The following HOOK3 variants were observed in gnomAD, a reference collection of about 807,000 sequenced individuals.
HOOK3 encodes hook microtubule tethering protein 3.
In HOOK3, 24 loss-of-function variants were observed where a neutral mutation model predicts 116.3. That is an observed-to-expected ratio of 0.21 (90% CI 0.15 to 0.29). The LOEUF (loss-of-function observed/expected upper bound fraction) is 0.29, where lower values mean the gene tolerates loss of function less well. Among genes scored for constraint, HOOK3 ranks in the 10% least tolerant of loss-of-function variants. The pLI, the probability that HOOK3 is intolerant of heterozygous loss-of-function variation, is 1.00. For synonymous variants in HOOK3, 275 were observed against 283.0 expected (o/e 0.97, Z 0.28); for missense variants, 632 against 830.2 (o/e 0.76, Z 2.93).
At chr8:43,009,428 A>AT (rs1809560862) in intron 18 of HOOK3, among the ~76,000 whole-genome samples, 4 of 152,024 alleles carry the variant, frequency 2.6e-5, no homozygotes. Context: ...CTCTATTTAC[A>AT]TATAGGGAGT....
intron 21 of HOOK3, among the ~76,000 whole-genome samples, chr8:43,016,427 T>A (rs1346262366): frequency 2.6e-5 from 4 of 152,132 alleles, no homozygotes; most frequent in African/African-American, 9.7e-5. Context: ...GCCAGAATAG[T>A]CCTAATTTTT....
intron 14 of HOOK3, among the ~76,000 whole-genome samples, chr8:42,984,184 A>G (rs892135865): frequency 5.9e-5 from 9 of 152,126 alleles, no homozygotes; most frequent in Non-Finnish European, 1.2e-4. Context: ...CCTGACCAAC[A>G]TGGCGAAACC....
chr8:43,011,454 T>A (rs1809611076), intron 19 of HOOK3, among the ~76,000 whole-genome samples: 1 of 151,912 alleles, frequency 6.6e-6, no homozygotes, highest in Admixed American at 6.6e-5. Context: ...ACAGCATGTG[T>A]GTGTGTGTGT....
rs1809892361 is a variant in HOOK3, at chr8:43,024,321, G to T, written c.*5823G>T. On this transcript the variant is annotated 3_prime_UTR_variant, in exon 22 of 22. Coordinates refer to ENST00000307602, the MANE Select transcript of HOOK3 (RefSeq NM_032410.4). ...TAGCATTGTACTTCTCAACAGTGAA[G>T]CCTGTGTAATACCATACAGTAGGAT... 3 of 197,276 alleles carry T rather than the reference G, an allele frequency of 1.5e-5. No individual in the cohort carries two copies. Among genetic ancestry groups the T allele is most frequent in the Non-Finnish European group, 3.2e-5 (3 of 95,202 alleles). 12.2% of individuals were successfully genotyped at this position (197,276 alleles called of 1,614,324 possible).
At position 42,915,247 on chromosome 8, in the gene HOOK3, G is replaced by A. The variant is rs372110659; in HGVS notation, c.143+8989G>A. Among the ~76,000 whole-genome samples, 60 of 151,954 alleles carry A rather than the reference G, an allele frequency of 3.9e-4. No individual in the cohort carries two copies. In the East Asian group the frequency reaches 4.8e-3, roughly 12 times the overall value. ...AATATAATTAGCTGGGCATGGTGGCGCATACTTGTAGTCCTAACCTCCCAT... is the reference window on the plus strand; with the variant it reads ...AATATAATTAGCTGGGCATGGTGGCACATACTTGTAGTCCTAACCTCCCAT... On this transcript the variant is annotated intron_variant, in intron 2 of 21. Transcript: ENST00000307602.
chr8:42,925,646 C>T lies in HOOK3; in HGVS notation c.216+17C>T, dbSNP rs2130357263. The T allele has an allele frequency of 6.6e-7, 1 of 1,507,778 alleles. No homozygotes were observed. Among genetic ancestry groups the T allele is most frequent in the Non-Finnish European group, 9.1e-7 (1 of 1,095,376 alleles). The allele number at this position is 1,507,778 out of a possible 1,614,324, so 93.4% of individuals were successfully genotyped here. The stretch of plus-strand genomic sequence containing the variant: ...AGGCTAAAGGTATTTTATTTTTCCA[C>T]CTGTTAAATCTTTAAATATTTGTAT... On this transcript the variant is annotated intron_variant, in intron 3 of 21. Coordinates refer to ENST00000307602, the MANE Select transcript of HOOK3 (RefSeq NM_032410.4).
chr8:42,949,043 T>A lies in HOOK3; in HGVS notation c.401-1345T>A, dbSNP rs574565502. 2.9e-3 allele frequency among the ~76,000 whole-genome samples: 435 copies of A among 152,352 alleles called. 3 individuals carry two copies. Among genetic ancestry groups the A allele is most frequent in the Middle Eastern group, 0.024 (7 of 294 alleles). ...AAAATACCTCATTTATTTTAAATCC[T>A]GTGTTGGGTAGAGGATTACAGTTGT... On this transcript the variant is annotated intron_variant, in intron 5 of 21. Transcript: ENST00000307602.
At chr8:42,988,613 C>A (rs989467292) in intron 15 of HOOK3, among the ~76,000 whole-genome samples, 1 of 151,798 alleles carries the variant, frequency 6.6e-6, no homozygotes, top group African/African-American at 2.4e-5. Flanking sequence ...TAGATTATGG[C>A]TGCCTATGAT....
intron 19 of HOOK3, among the ~76,000 whole-genome samples, chr8:43,010,658 AG>A (rs1362565433): frequency 6.6e-6 from 1 of 152,262 alleles, no homozygotes; most frequent in African/African-American, 2.4e-5. Context: ...CCACCTTATT[AG>A]TCATCAAAAT....
intron 4 of HOOK3, among the ~76,000 whole-genome samples, chr8:42,931,901 C>T (rs370627521): frequency 5.3e-5 from 8 of 152,118 alleles, no homozygotes; most frequent in African/African-American, 1.4e-4. Context: ...ACTACAGGTG[C>T]GTACCACCAC....
intron 1 of HOOK3, among the ~76,000 whole-genome samples, chr8:42,897,964 C>T (rs1296996414): frequency 2.0e-5 from 3 of 152,240 alleles, no homozygotes; most frequent in African/African-American, 4.8e-5. Context: ...CCCGGGCGGA[C>T]CCCGCGCTGC....
rs1216005479 is a variant in HOOK3 at position 43,022,210 on chromosome 8, C to T, written c.*3712C>T. 1 of 208,288 alleles carries T rather than the reference C, an allele frequency of 4.8e-6. No homozygotes were observed. The highest frequency in any genetic ancestry group is 9.8e-6 in the Non-Finnish European group (1 of 102,386). 12.9% of individuals were successfully genotyped at this position (208,288 alleles called of 1,614,324 possible). A position where few individuals can be genotyped will look rare whatever the true frequency, so the allele number is the denominator to read the frequency against. On this transcript the variant is annotated 3_prime_UTR_variant, in exon 22 of 22. Coordinates refer to ENST00000307602, the MANE Select transcript of HOOK3 (RefSeq NM_032410.4). ...GCTTTGGACAGGGTTTATGACGTTT[C>T]TGTTTCTCTAGTAATGATTAATGAT...
At chr8:42,973,124 G>A (rs761422363) in intron 11 of HOOK3, among the ~76,000 whole-genome samples, 165 bp from the exon 12 acceptor site, 3 of 152,150 alleles carry the variant, frequency 2.0e-5, no homozygotes, top group African/African-American at 4.8e-5. Context: ...AATAGTAACC[G>A]GGCAGGTTTT....
At chr8:42,904,182 A>T (rs1292986248) in intron 1 of HOOK3, among the ~76,000 whole-genome samples, 2 of 151,982 alleles carry the variant, frequency 1.3e-5, no homozygotes, top group Admixed American at 6.6e-5. Context: ...CCTGAGTGTT[A>T]TTCCCAGTAT....
chr8:42,959,417 C>A (rs1208375044), intron 8 of HOOK3, 103 bp downstream of exon 8: 1 of 757,398 alleles, frequency 1.3e-6, no homozygotes, highest in Non-Finnish European at 2.1e-6. Flanking sequence ...TATAACGCAA[C>A]CCTTTTTTAG....
chr8:42,959,141 G>C (rs925761828), intron 7 of HOOK3, 90 bp from the exon 8 acceptor site: 12 of 796,394 alleles, frequency 1.5e-5, no homozygotes, highest in Non-Finnish European at 1.9e-5. Flanking sequence ...GGAAAGACAG[G>C]GGGGAGATGT....
At chr8:42,908,477 A>G (rs1807358509) in intron 2 of HOOK3, among the ~76,000 whole-genome samples, 1 of 152,244 alleles carries the variant, frequency 6.6e-6, no homozygotes, top group Admixed American at 6.5e-5. Flanking sequence ...GACCAGTGGA[A>G]CAGTATAGAA....
intron 10 of HOOK3, 40 bp downstream of exon 10, chr8:42,966,653 T>C: frequency 6.3e-7 from 1 of 1,598,886 alleles, no homozygotes; most frequent in Non-Finnish European, 8.5e-7. Flanking sequence ...AGTTTGGCTC[T>C]GGTGTTAGAA....
chr8:42,924,516 C>T (rs2130355548), intron 2 of HOOK3, among the ~76,000 whole-genome samples: 1 of 152,060 alleles, frequency 6.6e-6, no homozygotes, highest in South Asian at 2.1e-4. Flanking sequence ...GTGTCCAAAA[C>T]CTAGTACTAC....
Sources: gnomAD v4.1 joint callset for allele counts (sites outside exome capture counted in the v4.1 genomes callset) on GRCh38, gnomAD v4.1.1 for gene constraint, MANE v1.5 for transcripts, NCBI Gene and HGNC (gene_info 2026-07-23, HGNC 2026-07-21) for gene names.